SEPTIN9: variants seen among roughly 807,000 people sequenced by gnomAD.
The protein encoded by SEPTIN9 is septin-9.
Under a neutral mutation model 56.6 loss-of-function variants are expected in SEPTIN9, and 13 were observed. The ratio of observed to expected loss-of-function variants is 0.23; its 90% CI spans 0.15 to 0.37. The LOEUF (loss-of-function observed/expected upper bound fraction) is 0.37, where lower values mean the gene tolerates loss of function less well. Among genes scored for constraint, SEPTIN9 ranks in the 10% least tolerant of loss-of-function variants. The pLI is 1.00. For missense variants in SEPTIN9, 650 were observed against 823.1 expected, an observed-to-expected ratio of 0.79 and a Z score of 2.57; for synonymous variants, 332 against 334.1, an observed-to-expected ratio of 0.99 and a Z score of 0.07.
intron 2 of SEPTIN9, among the ~76,000 whole-genome samples, chr17:77,380,959 G>A (rs548563476): frequency 6.6e-6 from 1 of 152,316 alleles, no homozygotes; most frequent in South Asian, 2.1e-4. Flanking sequence ...TGAGGGGCTG[G>A]AGCTCTCTGG....
chr17:77,461,916 G>A (rs1322096736), intron 3 of SEPTIN9, among the ~76,000 whole-genome samples: 1 of 152,154 alleles, frequency 6.6e-6, no homozygotes, highest in East Asian at 1.9e-4. Context: ...CAGGAAAAGC[G>A]CATGTGTCAG....
At chr17:77,489,452 A>G (rs1436726541) in intron 7 of SEPTIN9, among the ~76,000 whole-genome samples, 1 of 151,914 alleles carries the variant, frequency 6.6e-6, no homozygotes, top group Non-Finnish European at 1.5e-5. Context: ...GGCCTCACGG[A>G]CCCTCTGTCC....
In SEPTIN9 at chr17:77,487,053, C is replaced by T. The variant is rs186662239; in HGVS notation, c.914-371C>T. Among the ~76,000 whole-genome samples, 2 of 152,302 alleles carry T rather than the reference C, an allele frequency of 1.3e-5. No homozygotes were observed. The highest frequency in any genetic ancestry group is 2.9e-5 in the Non-Finnish European group (2 of 68,014). ...GGCCACCTGGTGCACCCTGGGCAGC[C>T]CTGGGCTCCTCCGCCAGCCCGGCCT... On this transcript the variant is annotated intron_variant, in intron 4 of 11. Coordinates refer to ENST00000427177, the MANE Select transcript of SEPTIN9 (RefSeq NM_001113491.2). This position sits in a 1 kb window ranked among gnomAD's most constrained non-coding sequence, Gnocchi z 4.3.
rs374811643 is a variant in SEPTIN9 at position 77,322,047 on chromosome 17, A to G, written c.76+14850A>G. ...CCCTGCCTCCTGGGCCACCAGCCCCAGGAGGACGTCACTCCACCCGCCTGG... is the reference window on the plus strand; with the variant it reads ...CCCTGCCTCCTGGGCCACCAGCCCCGGGAGGACGTCACTCCACCCGCCTGG... On this transcript the variant is annotated intron_variant, in intron 2 of 11. Coordinates refer to ENST00000427177, the MANE Select transcript of SEPTIN9 (RefSeq NM_001113491.2). Among the ~76,000 whole-genome samples the G allele has an allele frequency of 4.6e-4, 70 of 152,310 alleles. 1 individual carries two copies. In the South Asian group the frequency reaches 8.5e-3, roughly 18 times the overall value.
At position 77,369,564 on chromosome 17, in the gene SEPTIN9, G is replaced by A. The variant is rs2034660217; in HGVS notation, c.77-32495G>A. On this transcript the variant is annotated intron_variant, in intron 2 of 11. Coordinates refer to ENST00000427177, the MANE Select transcript of SEPTIN9 (RefSeq NM_001113491.2). This position sits in a 1 kb window ranked among gnomAD's most constrained non-coding sequence, Gnocchi z 4.9. ...TGTGGGAACTTGAGGGGCTGTGGAA[G>A]GCTCTGCCACTGACGGACCCAGGGC... is the stretch of plus-strand genomic sequence containing the variant. Among the ~76,000 whole-genome samples, 1 of 152,198 alleles carries A rather than the reference G, an allele frequency of 6.6e-6. No homozygotes were observed. The highest frequency in any genetic ancestry group is 2.4e-5 in the African/African-American group (1 of 41,440).
At chr17:77,390,955 G>A (rs1411991133) in intron 2 of SEPTIN9, among the ~76,000 whole-genome samples, 1 of 152,212 alleles carries the variant, frequency 6.6e-6, no homozygotes, top group Non-Finnish European at 1.5e-5. Flanking sequence ...AAGGCTGGAT[G>A]TATGGGCCTC....
At position 77,475,764 on chromosome 17, in the gene SEPTIN9, C is replaced by T. The variant is rs749362829; in HGVS notation, c.722-6380C>T. 2.2e-5 allele frequency: 36 copies of T among 1,612,940 alleles called. No homozygotes were observed. Among genetic ancestry groups the T allele is most frequent in the South Asian group, 8.8e-5 (8 of 91,090 alleles). On this transcript the variant is annotated intron_variant, in intron 3 of 11. Coordinates refer to ENST00000427177, the MANE Select transcript of SEPTIN9 (RefSeq NM_001113491.2). The surrounding 1 kb of genome is among the most constrained non-coding windows in gnomAD (Gnocchi z 4.6). ...GATGCCGGCAGCTTTCTCCTGGACA[C>T]GGGCCTGGAAGGCTGACAGGGTGTG...
Position 77,451,471 on chromosome 17 carries a change from C to T in SEPTIN9, c.722-30673C>T, listed in dbSNP as rs1184466042. ...CTGCTCGGCTCTGAGCCATGTGACC[C>T]GGTGGGCGGGCCGCGGCTCTCGGCG... On this transcript the variant is annotated intron_variant, in intron 3 of 11. Transcript: ENST00000427177. The surrounding 1 kb of genome is among the most constrained non-coding windows in gnomAD (Gnocchi z 4.2). 2.0e-6 allele frequency: 2 copies of T among 985,772 alleles called. No homozygotes were observed. The highest frequency in any genetic ancestry group is 2.4e-6 in the Non-Finnish European group (2 of 830,292). 61.1% of individuals were successfully genotyped at this position (985,772 alleles called of 1,614,324 possible). A position where few individuals can be genotyped will look rare whatever the true frequency, so the allele number is the denominator to read the frequency against.
rs1326974841 is a variant in SEPTIN9 at position 77,323,877 on chromosome 17, C to T, written c.76+16680C>T. On this transcript the variant is annotated intron_variant, in intron 2 of 11. Coordinates refer to ENST00000427177, the MANE Select transcript of SEPTIN9 (RefSeq NM_001113491.2). This position sits in a 1 kb window ranked among gnomAD's most constrained non-coding sequence, Gnocchi z 6.8. ...CCCAGCCCCGTGGGAACTCTGGTCC[C>T]TGTAGTGGTTTCCTGGGGCTGCCAT... 1 of 152,292 alleles carries T rather than the reference C, an allele frequency of 6.6e-6. No individual in the cohort carries two copies. The highest frequency in any genetic ancestry group is 1.5e-5 in the Non-Finnish European group (1 of 68,074). The allele number at this position is 152,292 out of a possible 1,614,324, so 9.4% of individuals were successfully genotyped here.
chr17:77,419,913 C>T (rs1185215982), intron 3 of SEPTIN9: 4 of 152,318 alleles, frequency 2.6e-5, no homozygotes, highest in Admixed American at 2.6e-4. Context: ...CGCTGCAAAA[C>T]CACCCATTGG....
At position 77,327,654 on chromosome 17, in the gene SEPTIN9, A is replaced by G. The variant is rs2033190670; in HGVS notation, c.76+20457A>G. On this transcript the variant is annotated intron_variant, in intron 2 of 11. Coordinates refer to ENST00000427177, the MANE Select transcript of SEPTIN9 (RefSeq NM_001113491.2). This position sits in a 1 kb window ranked among gnomAD's most constrained non-coding sequence, Gnocchi z 5.0. The stretch of plus-strand genomic sequence containing the variant: ...CTCCAGGCTACGCCTTGAAATTGGG[A>G]CAGAGAGTGGCGCAGATCTCAGCCC... Among the ~76,000 whole-genome samples the G allele has an allele frequency of 6.6e-6, 1 of 152,140 alleles. No individual in the cohort carries two copies. The highest frequency in any genetic ancestry group is 2.1e-4 in the South Asian group (1 of 4,824).
rs1392624368 is a variant in SEPTIN9, at chr17:77,425,108, C to T, written c.721+22405C>T. On this transcript the variant is annotated intron_variant, in intron 3 of 11. Coordinates refer to ENST00000427177, the MANE Select transcript of SEPTIN9 (RefSeq NM_001113491.2). The surrounding 1 kb of genome is among the most constrained non-coding windows in gnomAD (Gnocchi z 4.2). The stretch of plus-strand genomic sequence containing the variant: ...GTGAGCTCTGCTCCAGTCCCCCCAC[C>T]CCCGGGGCTGTTCCTGGCGCCCTGC... 6.6e-6 allele frequency among the ~76,000 whole-genome samples: 1 copy of T among 152,234 alleles called. No homozygotes were observed. The highest frequency in any genetic ancestry group is 2.4e-5 in the African/African-American group (1 of 41,448).
chr17:77,366,068 G>T (rs1228217935), intron 2 of SEPTIN9, among the ~76,000 whole-genome samples: 1 of 152,148 alleles, frequency 6.6e-6, no homozygotes, highest in Non-Finnish European at 1.5e-5. Flanking sequence ...ATGAGTTCTA[G>T]CCAAGCCTCC....
Position 77,482,340 on chromosome 17 carries a change from G to A in SEPTIN9, c.913+5G>A. 6.2e-7 allele frequency: 1 copy of A among 1,611,188 alleles called. No individual in the cohort carries two copies. Among genetic ancestry groups the A allele is most frequent in the Non-Finnish European group, 8.5e-7 (1 of 1,179,784 alleles). On this transcript the variant is annotated splice_donor_5th_base_variant and intron_variant, in intron 4 of 11. Transcript: ENST00000427177. ...AGTTCAACATCATGGTGGTCGGTGA[G>A]TCCTCACCTTGCATGCCACTCAACC...
rs1207230500 is a variant in SEPTIN9, at chr17:77,475,503, G to A, written c.722-6641G>A. 1 of 1,608,132 alleles carries A rather than the reference G, an allele frequency of 6.2e-7. No homozygotes were observed. The highest frequency in any genetic ancestry group is 1.1e-5 in the South Asian group (1 of 90,750). On this transcript the variant is annotated intron_variant, in intron 3 of 11. Coordinates refer to ENST00000427177, the MANE Select transcript of SEPTIN9 (RefSeq NM_001113491.2). The surrounding 1 kb of genome is among the most constrained non-coding windows in gnomAD (Gnocchi z 4.6). ...ACAGGGAGCATCTGTTAGTTTATAG[G>A]ACCTGAAGTGCCCCCATGGGCTCAA... is the stretch of plus-strand genomic sequence containing the variant.
rs1382344876 is a variant in SEPTIN9 at position 77,451,649 on chromosome 17, T to C, written c.722-30495T>C. On this transcript the variant is annotated intron_variant, in intron 3 of 11. Transcript: ENST00000427177. This position sits in a 1 kb window ranked among gnomAD's most constrained non-coding sequence, Gnocchi z 4.2. Reference sequence around the variant, plus strand: ...GCGGTGCCGGGAGCCACGCTGTCCCTGGGCCCCGGCCCGAGGCCGGCAGGA... The same window carrying C: ...GCGGTGCCGGGAGCCACGCTGTCCCCGGGCCCCGGCCCGAGGCCGGCAGGA... 6.4e-6 allele frequency: 5 copies of C among 779,370 alleles called. No individual in the cohort carries two copies. The East Asian group carries it at 3.8e-4, about 59-fold the overall frequency. 48.3% of individuals were successfully genotyped at this position (779,370 alleles called of 1,614,324 possible). A position where few individuals can be genotyped will look rare whatever the true frequency, so the allele number is the denominator to read the frequency against.
At chr17:77,286,249 C>G (rs2031272513) in intron 1 of SEPTIN9, 1 of 152,402 alleles carries the variant, frequency 6.6e-6, no homozygotes, top group African/African-American at 2.4e-5. Context: ...GAAAGGCATG[C>G]CCAGGCAGGG....
chr17:77,306,896 T>TG (rs376575342), intron 1 of SEPTIN9, among the ~76,000 whole-genome samples: 29 of 152,258 alleles, frequency 1.9e-4, no homozygotes, highest in African/African-American at 6.3e-4. Context: ...TAGTAGGGCT[T>TG]GGGGGAGGAT....
chr17:77,495,055 A>G (rs1450882086), intron 10 of SEPTIN9, among the ~76,000 whole-genome samples: 5 of 152,042 alleles, frequency 3.3e-5, no homozygotes, highest in Non-Finnish European at 7.4e-5. Context: ...CAGGTTTGGG[A>G]GAGTTAGGGA....
Sources: allele counts gnomAD v4.1 joint callset (sites outside exome capture counted in the v4.1 genomes callset), GRCh38; gene constraint gnomAD v4.1.1; non-coding constraint Gnocchi (gnomAD v3.1); transcripts MANE v1.5; gene names NCBI Gene and HGNC (gene_info 2026-07-23, HGNC 2026-07-21).